PDE8B: variants seen among roughly 807,000 people sequenced by gnomAD.
The protein encoded by PDE8B is high affinity cAMP-specific and IBMX-insensitive 3',5'-cyclic phosphodiesterase 8B.
Under a neutral mutation model 101.3 loss-of-function variants are expected in PDE8B, and 26 were observed. That is an observed-to-expected ratio of 0.26 (90% CI 0.19 to 0.36). PDE8B has a LOEUF of 0.36. PDE8B is among the 10% of genes least tolerant of loss of function. The pLI, the probability that PDE8B is intolerant of heterozygous loss-of-function variation, is 1.00. For missense variants in PDE8B, 810 were observed against 1,163.1 expected, an observed-to-expected ratio of 0.70 and a Z score of 4.42; for synonymous variants, 424 against 429.3, an observed-to-expected ratio of 0.99 and a Z score of 0.15.
At chr5:77,362,860 C>G (rs1783379043) in intron 10 of PDE8B, among the ~76,000 whole-genome samples, 1 of 152,212 alleles carries the variant, frequency 6.6e-6, no homozygotes, top group South Asian at 2.1e-4. Flanking sequence ...GGAGCCCCCT[C>G]TGTGACTGCC....
intron 11 of PDE8B, among the ~76,000 whole-genome samples, chr5:77,401,204 C>T (rs972528525): frequency 6.6e-6 from 1 of 152,162 alleles, no homozygotes; most frequent in South Asian, 2.1e-4. Context: ...TGAAAACTTT[C>T]TAGACATGAA....
chr5:77,182,201 C>T, the PDE8B span, among the ~76,000 whole-genome samples: 1 of 151,960 alleles, frequency 6.6e-6, no homozygotes, highest in Non-Finnish European at 1.5e-5. Flanking sequence ...CCAGACTTAG[C>T]CTGTGAATGC....
At chr5:77,186,324 G>C in the PDE8B span, among the ~76,000 whole-genome samples, 2 of 152,226 alleles carry the variant, frequency 1.3e-5, no homozygotes, top group Non-Finnish European at 2.9e-5. Flanking sequence ...GAACAGAAGA[G>C]ACTATCCCCT....
At position 77,267,742 on chromosome 5, in the gene PDE8B, A is replaced by G. The variant is rs931760289; in HGVS notation, c.340-44252A>G. ...CCTCTTCAGTCATCATGTTGACCCA[A>G]TCCCCAGACAATGGGTAGTAATTAA... On this transcript the variant is annotated intron_variant, in intron 1 of 21. Coordinates refer to ENST00000264917, the MANE Select transcript of PDE8B (RefSeq NM_003719.5). Among the ~76,000 whole-genome samples the G allele has an allele frequency of 4.6e-5, 7 of 152,182 alleles. No individual in the cohort carries two copies. The South Asian group carries it at 8.3e-4, about 18-fold the overall frequency.
intron 5 of PDE8B, among the ~76,000 whole-genome samples, chr5:77,334,312 C>T (rs989365590): frequency 1.3e-5 from 2 of 152,178 alleles, no homozygotes; most frequent in African/African-American, 4.8e-5. Context: ...ACATATCCCA[C>T]AACAACTCCC....
At chr5:77,122,318 C>T in the PDE8B span, among the ~76,000 whole-genome samples, 1 of 152,250 alleles carries the variant, frequency 6.6e-6, no homozygotes, top group South Asian at 2.1e-4. Flanking sequence ...GCAGCCTTAG[C>T]TCTTCATGGT....
intron 17 of PDE8B, among the ~76,000 whole-genome samples, chr5:77,416,004 G>A (rs893405472): frequency 3.9e-5 from 6 of 152,180 alleles, no homozygotes; most frequent in African/African-American, 7.2e-5. Context: ...CGCCAGTTGC[G>A]GGTTTGGTGG....
intron 1 of PDE8B, among the ~76,000 whole-genome samples, chr5:77,256,318 CATTT>C (rs1759168711): frequency 6.6e-6 from 1 of 152,182 alleles, no homozygotes; most frequent in African/African-American, 2.4e-5. Context: ...TGCTCACACA[CATTT>C]ATATGTGCAA....
At chr5:77,173,637 T>C in the PDE8B span, among the ~76,000 whole-genome samples, 459 of 152,278 alleles carry the variant, frequency 3.0e-3, 4 homozygotes, top group African/African-American at 9.8e-3. Context: ...CTTTTTTTAA[T>C]GTGAAGCCTA....
Position 77,331,244 on chromosome 5 carries a change from T to TGGAAG in PDE8B, c.651-157_651-156insGAAGG. The TGGAAG allele has an allele frequency of 1.9e-5, 14 of 752,732 alleles. No homozygotes were observed. The South Asian group carries it at 1.9e-4, about 10-fold the overall frequency. The allele number at this position is 752,732 out of a possible 1,614,324, so 46.6% of individuals were successfully genotyped here. On this transcript the variant is annotated intron_variant, in intron 4 of 21. Transcript: ENST00000264917. ...GCATCTGGAAGGTAGATGTGGGGTC[T>TGGAAG]GTATCCTTGAAGGCAGGTGTGCCCC...
At chr5:77,129,471 T>G in the PDE8B span, among the ~76,000 whole-genome samples, 6 of 151,974 alleles carry the variant, frequency 3.9e-5, no homozygotes, top group Non-Finnish European at 8.8e-5. Context: ...TGTCACATAT[T>G]GAATGAGTGA....
intron 1 of PDE8B, among the ~76,000 whole-genome samples, chr5:77,252,509 C>G (rs560749014): frequency 6.6e-6 from 1 of 152,104 alleles, no homozygotes; most frequent in Non-Finnish European, 1.5e-5. Flanking sequence ...TTATTGGGCA[C>G]GTTGGTCCTA....
the PDE8B span, among the ~76,000 whole-genome samples, chr5:77,174,582 C>T: frequency 2.6e-5 from 4 of 152,140 alleles, no homozygotes; most frequent in Non-Finnish European, 4.4e-5. Context: ...AGGAGCTCTC[C>T]GTTTTCTAGC....
At chr5:77,370,233 C>T (rs963332475) in intron 10 of PDE8B, among the ~76,000 whole-genome samples, 2 of 152,106 alleles carry the variant, frequency 1.3e-5, no homozygotes, top group African/African-American at 4.8e-5. Flanking sequence ...CAAATGTATA[C>T]ACCTTTGTAA....
At chr5:77,403,219 C>T (rs1792684025) in intron 11 of PDE8B, among the ~76,000 whole-genome samples, 5 of 152,098 alleles carry the variant, frequency 3.3e-5, no homozygotes, top group Admixed American at 3.3e-4. Context: ...CGTGCGTTTT[C>T]AGTGTTAAAT....
At chr5:77,379,702 G>A (rs1046440556) in intron 10 of PDE8B, among the ~76,000 whole-genome samples, 2 of 152,176 alleles carry the variant, frequency 1.3e-5, no homozygotes, top group Admixed American at 1.3e-4. Context: ...CTGCTTGGGT[G>A]CGGATTTTGA....
At chr5:77,364,171 GTGGGCAAGGT>G (rs1485490452) in intron 10 of PDE8B, among the ~76,000 whole-genome samples, 1 of 152,212 alleles carries the variant, frequency 6.6e-6, no homozygotes, top group Non-Finnish European at 1.5e-5. Flanking sequence ...TCGTCCAGGA[GTGGGCAAGGT>G]TGGGCATGCA....
the PDE8B span, among the ~76,000 whole-genome samples, chr5:77,200,358 G>T: frequency 6.6e-6 from 1 of 152,256 alleles, no homozygotes; most frequent in East Asian, 1.9e-4. Context: ...AAATTTGCTG[G>T]TGTGTATTTA....
chr5:77,413,938 T>C (rs1253639912), intron 17 of PDE8B, among the ~76,000 whole-genome samples: 1 of 152,096 alleles, frequency 6.6e-6, no homozygotes, highest in Non-Finnish European at 1.5e-5. Context: ...TGGCAAGAGA[T>C]CCCCATCTCT....
Sources: gnomAD v4.1 joint callset for allele counts (sites outside exome capture counted in the v4.1 genomes callset) on GRCh38, gnomAD v4.1.1 for gene constraint, MANE v1.5 for transcripts, NCBI Gene and HGNC (gene_info 2026-07-23, HGNC 2026-07-21) for gene names.